GOLM1: variants seen among roughly 807,000 people sequenced by gnomAD.
The protein encoded by GOLM1 is epididymis luminal protein 46.
A neutral mutation model predicts 50.5 loss-of-function variants in GOLM1; 31 were observed. The observed-to-expected ratio is 0.61, with a 90% CI of 0.46 to 0.83. The LOEUF is 0.83. GOLM1 is among the 40% of genes least tolerant of loss of function. The probability of loss-of-function intolerance (pLI) is 0.00; values close to 1 mark genes in which losing one functional copy is unlikely to be tolerated. For synonymous variants in GOLM1, 178 were observed against 192.8 expected (o/e 0.92, Z 0.64); for missense variants, 491 against 501.3 (o/e 0.98, Z 0.20).
chr9:86,027,794 G>A lies in GOLM1; in HGVS notation c.*23C>T. Reference sequence around the variant, plus strand: ...ATAGTCATCTCTTCGGCCCTGTTGTGAAATATGTGATTCCAGTTCAATTCA... The same window carrying A: ...ATAGTCATCTCTTCGGCCCTGTTGTAAAATATGTGATTCCAGTTCAATTCA... On this transcript the variant is annotated 3_prime_UTR_variant, in exon 10 of 10. Coordinates refer to ENST00000388712, the MANE Select transcript of GOLM1 (RefSeq NM_016548.4). 6.2e-7 allele frequency: 1 copy of A among 1,609,904 alleles called. No individual in the cohort carries two copies. Among genetic ancestry groups the A allele is most frequent in the Non-Finnish European group, 8.5e-7 (1 of 1,177,732 alleles).
chr9:86,052,149 G>GTTA (rs1195880227), intron 4 of GOLM1, among the ~76,000 whole-genome samples: 1 of 152,008 alleles, frequency 6.6e-6, no homozygotes, highest in Non-Finnish European at 1.5e-5. Flanking sequence ...GCAAAGAGGG[G>GTTA]GAATTAAATT....
intron 3 of GOLM1, among the ~76,000 whole-genome samples, chr9:86,076,973 C>T (rs1484674685): frequency 6.6e-6 from 1 of 152,136 alleles, no homozygotes; most frequent in Non-Finnish European, 1.5e-5. Flanking sequence ...GGTGCAGTCC[C>T]CTACTTTCTC....
Position 86,079,283 on chromosome 9 carries a change from G to T in GOLM1, c.38C>A (p.Ser13Ter). 1.9e-6 allele frequency: 3 copies of T among 1,609,020 alleles called. No homozygotes were observed. Among genetic ancestry groups the T allele is most frequent in the Non-Finnish European group, 2.5e-6 (3 of 1,176,684 alleles). Residue 13 changes from serine to a stop codon, truncating the protein, a stop_gained, in exon 2 of 10, where the codon TCG becomes TAG. Transcript: ENST00000388712. LOFTEE classifies it high-confidence loss of function. ...GLGNGRRSMK[S>*]PPLVLAALVA... ...CAGGGCGGCCAGCACGAGGGGCGGC[G>T]ACTTCATGCTGCGACGCCCGTTTCC...
At chr9:86,088,922 G>A (rs1160131501) in intron 1 of GOLM1, among the ~76,000 whole-genome samples, 1 of 152,082 alleles carries the variant, frequency 6.6e-6, no homozygotes, top group East Asian at 1.9e-4. Context: ...TCCATATTTA[G>A]TGCTTCCTTT....
chr9:86,083,332 CAA>C (rs1834844407), intron 1 of GOLM1, among the ~76,000 whole-genome samples: 1 of 152,158 alleles, frequency 6.6e-6, no homozygotes, highest in South Asian at 2.1e-4. Context: ...GAACTAATCA[CAA>C]AAAAGTCTAT....
At chr9:86,071,830 T>C (rs2118828622) in intron 3 of GOLM1, among the ~76,000 whole-genome samples, 1 of 152,356 alleles carries the variant, frequency 6.6e-6, no homozygotes, top group East Asian at 1.9e-4. Context: ...TGGCAAACAC[T>C]GCAAGCTTGG....
chr9:86,047,309 A>G (rs1833580494), intron 4 of GOLM1, among the ~76,000 whole-genome samples: 1 of 152,228 alleles, frequency 6.6e-6, no homozygotes, highest in South Asian at 2.1e-4. Context: ...GGACACAGCC[A>G]GGACAGACAG....
At chr9:86,053,890 C>T (rs1019583809) in intron 3 of GOLM1, among the ~76,000 whole-genome samples, 1 of 150,688 alleles carries the variant, frequency 6.6e-6, no homozygotes, top group Non-Finnish European at 1.5e-5. Context: ...CAACTCTGCA[C>T]CACTCCACTC....
chr9:86,060,053 T>C (rs1049320566), intron 3 of GOLM1, among the ~76,000 whole-genome samples: 1 of 151,866 alleles, frequency 6.6e-6, no homozygotes, highest in Admixed American at 6.6e-5. Context: ...ACTTTAAAAA[T>C]AAGAAACAGG....
In GOLM1 at chr9:86,099,531, C is replaced by A. The variant is rs1489209757; in HGVS notation, c.-142G>T. The A allele has an allele frequency of 1.3e-5, 2 of 148,760 alleles. No homozygotes were observed. Among genetic ancestry groups the A allele is most frequent in the African/African-American group, 2.4e-5 (1 of 41,060 alleles). 9.2% of individuals were successfully genotyped at this position (148,760 alleles called of 1,614,324 possible). A position where few individuals can be genotyped will look rare whatever the true frequency, so the allele number is the denominator to read the frequency against. ...CCGGCTCCGCGCCGTGCGCCCAGCG[C>A]CTCCGCGTCCAGCGCCGCCGCGTCT... On this transcript the variant is annotated 5_prime_UTR_variant, in exon 1 of 10. Coordinates refer to ENST00000388712, the MANE Select transcript of GOLM1 (RefSeq NM_016548.4).
intron 5 of GOLM1, among the ~76,000 whole-genome samples, chr9:86,041,814 G>A (rs1453567980): frequency 6.6e-6 from 1 of 152,140 alleles, no homozygotes; most frequent in African/African-American, 2.4e-5. Context: ...GTGCTAAGTG[G>A]GTAGTATCAA....
intron 4 of GOLM1, among the ~76,000 whole-genome samples, chr9:86,051,934 C>G (rs560840050): frequency 6.6e-6 from 1 of 152,250 alleles, no homozygotes; most frequent in Non-Finnish European, 1.5e-5. Flanking sequence ...TTTTTAACTT[C>G]CCAGTAACCA....
chr9:86,098,836 T>C (rs1835433313), intron 1 of GOLM1, among the ~76,000 whole-genome samples: 1 of 152,322 alleles, frequency 6.6e-6, no homozygotes, highest in South Asian at 2.1e-4. Flanking sequence ...AGCCGCGCTC[T>C]GGACGCGCGG....
At chr9:86,052,716 A>G (rs148795737) in intron 3 of GOLM1, 125 bp from the exon 4 acceptor site, 12,872 of 754,102 alleles carry the variant, frequency 0.017, 178 homozygotes, top group South Asian at 0.018. Flanking sequence ...AGGAGCTCGC[A>G]CTCAGCGCTC....
intron 5 of GOLM1, among the ~76,000 whole-genome samples, chr9:86,045,421 C>G (rs1833505456): frequency 6.6e-6 from 1 of 151,944 alleles, no homozygotes; most frequent in Admixed American, 6.6e-5. Flanking sequence ...ACCTGTAATC[C>G]CAGCACTTTG....
intron 4 of GOLM1, among the ~76,000 whole-genome samples, chr9:86,049,844 T>A (rs1426386195): frequency 6.6e-6 from 1 of 152,204 alleles, no homozygotes; most frequent in East Asian, 1.9e-4. Context: ...TTTTCCTAAT[T>A]GAATACCCTT....
rs922152749 is a variant in GOLM1, at chr9:86,077,723, T to A, written c.130-132A>T. The A allele has an allele frequency of 9.2e-6, 6 of 653,756 alleles. No homozygotes were observed. The African/African-American group carries it at 1.1e-4, about 12-fold the overall frequency. The allele number at this position is 653,756 out of a possible 1,614,324, so 40.5% of individuals were successfully genotyped here. On this transcript the variant is annotated intron_variant, in intron 2 of 9. Coordinates refer to ENST00000388712, the MANE Select transcript of GOLM1 (RefSeq NM_016548.4). ...TCTTATACACACAAGTGCCCAAGGCTGTGTTTTAAGTCAACTGGACAGAAG... is the reference window on the plus strand; with the variant it reads ...TCTTATACACACAAGTGCCCAAGGCAGTGTTTTAAGTCAACTGGACAGAAG...
chr9:86,056,654 C>T (rs943457513), intron 3 of GOLM1, among the ~76,000 whole-genome samples: 10 of 151,688 alleles, frequency 6.6e-5, no homozygotes, highest in South Asian at 2.1e-4. Flanking sequence ...TACAGGCGCC[C>T]GCCACCACGC....
chr9:86,033,052 T>A (rs760655280), intron 9 of GOLM1, among the ~76,000 whole-genome samples: 11 of 152,192 alleles, frequency 7.2e-5, no homozygotes, highest in Admixed American at 1.3e-4. Context: ...ACACTGAATA[T>A]GTTTCTAGAA....
Sources: gnomAD v4.1 joint callset for allele counts (sites outside exome capture counted in the v4.1 genomes callset) on GRCh38, gnomAD v4.1.1 for gene constraint, MANE v1.5 for transcripts, NCBI Gene and HGNC (gene_info 2026-07-23, HGNC 2026-07-21) for gene names.